TPP2: variants seen among roughly 807,000 people sequenced by gnomAD.
The protein encoded by TPP2 is tripeptidyl peptidase 2.
TPP2 carries 34 observed loss-of-function variants against 155.9 expected under a neutral mutation model. That is an observed-to-expected ratio of 0.22 (90% CI 0.17 to 0.29). The LOEUF is 0.29. Ranked by LOEUF, TPP2 falls within the 10% of genes least tolerant of loss-of-function variation. The pLI is 1.00. For synonymous variants in TPP2, 510 were observed against 529.4 expected (o/e 0.96, Z 0.50); for missense variants, 1,028 against 1,522.3 (o/e 0.68, Z 5.40).
intron 24 of TPP2, 68 bp from the exon 25 acceptor site, chr13:102,656,988 G>C: frequency 2.0e-6 from 3 of 1,491,934 alleles, no homozygotes; most frequent in Non-Finnish European, 2.7e-6. Context: ...ACATGTAGCT[G>C]TTGAAGATGA....
At position 102,637,131 on chromosome 13, in the gene TPP2, T is replaced by G; in HGVS notation, c.1728T>G (p.Asn576Lys). The G allele has an allele frequency of 6.2e-7, 1 of 1,612,232 alleles. No homozygotes were observed. Among genetic ancestry groups the G allele is most frequent in the Non-Finnish European group, 8.5e-7 (1 of 1,179,630 alleles). The change falls in exon 14 of 30, where the codon AAT becomes AAG. Residue 576 changes from asparagine to lysine, a missense_variant. Asn to Lys is a moderately conservative substitution (Grantham distance 94, BLOSUM62 0). This residue lies in a region of TPP2 where 325 missense variants were observed against 463.7 expected (regional missense o/e 0.70). Transcript: ENST00000376052. Reference sequence around the variant, plus strand: ...AGCTTCATTTAGCTCTGACTTCAAATTCATCTTGGGTTCAGTGTCCCAGCC... The same window carrying G: ...AGCTTCATTTAGCTCTGACTTCAAAGTCATCTTGGGTTCAGTGTCCCAGCC... ...SLQLHLALTS[N>K]SSWVQCPSHL...
intron 27 of TPP2, among the ~76,000 whole-genome samples, chr13:102,673,909 A>G (rs1240403801): frequency 6.6e-6 from 1 of 152,236 alleles, no homozygotes; most frequent in African/African-American, 2.4e-5. Context: ...GGGTATACAC[A>G]TAGACAAATG....
At position 102,643,384 on chromosome 13, in the gene TPP2, T is replaced by G; in HGVS notation, c.2175+8T>G. ...GAAGCTTTTCCTGTCCTAGTAAGTT[T>G]AATTATAGTTTATAATCCTAACACA... On this transcript the variant is annotated splice_region_variant and intron_variant, in intron 17 of 29. Coordinates refer to ENST00000376052, the MANE Select transcript of TPP2 (RefSeq NM_001330588.2). 1.3e-6 allele frequency: 2 copies of G among 1,592,022 alleles called. No homozygotes were observed. The highest frequency in any genetic ancestry group is 2.3e-5 in the South Asian group (2 of 86,742).
At chr13:102,618,642 A>G (rs1291108463) in intron 4 of TPP2, 80 bp from the exon 5 acceptor site, 2 of 1,518,950 alleles carry the variant, frequency 1.3e-6, no homozygotes, top group Non-Finnish European at 8.8e-7. Flanking sequence ...ATGGATTAAC[A>G]TTGTATCTTT....
At chr13:102,639,304 T>C (rs1291339017) in intron 15 of TPP2, among the ~76,000 whole-genome samples, 5 of 152,194 alleles carry the variant, frequency 3.3e-5, no homozygotes, top group African/African-American at 9.6e-5. Flanking sequence ...CTAACAGTTC[T>C]GTTACTCTGG....
At position 102,662,173 on chromosome 13, in the gene TPP2, A is replaced by G. The variant is rs116198756; in HGVS notation, c.3144-1475A>G. The stretch of plus-strand genomic sequence containing the variant: ...GCCAGTCACAAAAAGACCATGTATT[A>G]TATGATTCTATTCATATTAAATGTC... On this transcript the variant is annotated intron_variant, in intron 25 of 29. Coordinates refer to ENST00000376052, the MANE Select transcript of TPP2 (RefSeq NM_001330588.2). 2.0e-3 allele frequency among the ~76,000 whole-genome samples: 304 copies of G among 152,344 alleles called. 3 individuals carry two copies. The highest frequency in any genetic ancestry group is 7.0e-3 in the African/African-American group (291 of 41,576).
chr13:102,623,627 T>C (rs1412027908), intron 6 of TPP2, among the ~76,000 whole-genome samples: 1 of 152,212 alleles, frequency 6.6e-6, no homozygotes, highest in Non-Finnish European at 1.5e-5. Context: ...TCTTAACTCT[T>C]GAGAAATTCA....
At chr13:102,620,837 G>T (rs1034528710) in intron 5 of TPP2, among the ~76,000 whole-genome samples, 1 of 152,156 alleles carries the variant, frequency 6.6e-6, no homozygotes, top group Non-Finnish European at 1.5e-5. Context: ...GCTATTAGTT[G>T]ATTTCTTTAC....
intron 10 of TPP2, 88 bp downstream of exon 10, chr13:102,630,283 A>G (rs570519337): frequency 1.0e-6 from 1 of 958,810 alleles, no homozygotes; most frequent in Non-Finnish European, 1.5e-6. Flanking sequence ...TAAGTTTGCT[A>G]GTTTTTTTCT....
At chr13:102,649,201 C>T (rs1225422135) in intron 22 of TPP2, 50 bp downstream of exon 22, 1 of 1,534,192 alleles carries the variant, frequency 6.5e-7, no homozygotes, top group Non-Finnish European at 8.7e-7. Flanking sequence ...ACACTGTAGT[C>T]CTTTTAATGT....
Position 102,597,113 on chromosome 13 carries a change from C to G in TPP2, c.75C>G (p.Ser25=). The G allele has an allele frequency of 6.2e-7, 1 of 1,611,422 alleles. No individual in the cohort carries two copies. Among genetic ancestry groups the G allele is most frequent in the Non-Finnish European group, 8.5e-7 (1 of 1,179,266 alleles). Residue 25 remains serine (S), a synonymous_variant, in exon 1 of 30, where the codon TCC becomes TCG. Transcript: ENST00000376052. ...LLPKKETGAA[S]FLCRYPEYDG... ...CGAAGAAGGAGACCGGAGCCGCCTC[C>G]TTCCTCTGCCGCTACCCGGAGTATG... is the stretch of plus-strand genomic sequence containing the variant.
chr13:102,668,509 T>C (rs1388181202), intron 27 of TPP2, among the ~76,000 whole-genome samples: 1 of 152,212 alleles, frequency 6.6e-6, no homozygotes, highest in African/African-American at 2.4e-5. Flanking sequence ...AGTAACATTC[T>C]TTTCCAATCA....
intron 27 of TPP2, among the ~76,000 whole-genome samples, chr13:102,666,791 T>A (rs1300217000): frequency 8.4e-6 from 1 of 119,424 alleles, no homozygotes; most frequent in African/African-American, 3.2e-5. Flanking sequence ...TTTTTTTTTT[T>A]AGTTTCTACT....
chr13:102,612,537 G>C (rs1880399940), intron 2 of TPP2, among the ~76,000 whole-genome samples: 1 of 152,096 alleles, frequency 6.6e-6, no homozygotes, highest in Non-Finnish European at 1.5e-5. Flanking sequence ...TGTTTATGTA[G>C]AATACTCAAA....
At chr13:102,613,015 T>G (rs915689566) in intron 2 of TPP2, among the ~76,000 whole-genome samples, 1 of 152,216 alleles carries the variant, frequency 6.6e-6, no homozygotes, top group African/African-American at 2.4e-5. Context: ...TGCAGTGCTT[T>G]ATTGTTTTGC....
intron 5 of TPP2, among the ~76,000 whole-genome samples, chr13:102,621,145 T>A (rs1881130822): frequency 6.6e-6 from 1 of 152,218 alleles, no homozygotes; most frequent in South Asian, 2.1e-4. Context: ...AAGTCAGTAA[T>A]AATTTATGTT....
chr13:102,645,893 G>T (rs1452818150), intron 19 of TPP2, among the ~76,000 whole-genome samples: 1 of 152,216 alleles, frequency 6.6e-6, no homozygotes, highest in African/African-American at 2.4e-5. Context: ...TGAGCAGCAG[G>T]GGTCTGGGGA....
intron 27 of TPP2, among the ~76,000 whole-genome samples, chr13:102,673,592 T>C (rs1214249590): frequency 6.6e-6 from 1 of 152,208 alleles, no homozygotes; most frequent in Non-Finnish European, 1.5e-5. Context: ...AACAAAGATG[T>C]CTGCCCTGGA....
chr13:102,662,436 T>C (rs1159830864), intron 25 of TPP2, among the ~76,000 whole-genome samples: 3 of 152,176 alleles, frequency 2.0e-5, no homozygotes, highest in African/African-American at 7.2e-5. Flanking sequence ...GTTTACCTAA[T>C]AGGTGTTTTA....
Sources: allele counts gnomAD v4.1 joint callset (sites outside exome capture counted in the v4.1 genomes callset), GRCh38; gene constraint gnomAD v4.1.1; regional missense constraint gnomAD v4.1.1; transcripts MANE v1.5; gene names NCBI Gene and HGNC (gene_info 2026-07-23, HGNC 2026-07-21).